The following NPAS3 variants were observed in gnomAD, a reference collection of about 807,000 sequenced individuals.
The protein encoded by NPAS3 is neuronal PAS domain-containing protein 3.
A neutral mutation model predicts 73.1 loss-of-function variants in NPAS3; 14 were observed. The observed-to-expected ratio is 0.19, with a 90% CI of 0.13 to 0.30. The LOEUF is 0.30. Ranked by LOEUF, NPAS3 falls within the 10% of genes least tolerant of loss-of-function variation. The probability of loss-of-function intolerance (pLI) is 1.00; values close to 1 mark genes in which losing one functional copy is unlikely to be tolerated. For synonymous variants in NPAS3, 620 were observed against 541.5 expected (o/e 1.14, Z -2.01); for missense variants, 1,096 against 1,250.0 (o/e 0.88, Z 1.86).
At chr14:33,249,925 C>CACAT (rs1243918642) in intron 3 of NPAS3, among the ~76,000 whole-genome samples, 1 of 151,912 alleles carries the variant, frequency 6.6e-6, no homozygotes, top group East Asian at 1.9e-4. Context: ...CACACACACA[C>CACAT]ACACACACAC....
chr14:33,031,850 G>A (rs1595278193), intron 1 of NPAS3, among the ~76,000 whole-genome samples: 1 of 152,214 alleles, frequency 6.6e-6, no homozygotes, highest in East Asian at 1.9e-4. Context: ...GATTGTTCTA[G>A]GTAGGGTAAA....
At chr14:33,660,190 G>A (rs1157349995) in intron 5 of NPAS3, among the ~76,000 whole-genome samples, 1 of 152,146 alleles carries the variant, frequency 6.6e-6, no homozygotes. Context: ...ATGCCAAATG[G>A]ATGAGCTAAG....
At chr14:33,789,583 C>CTTTTTGTTTTTTTTTTT (rs2063286093) in intron 9 of NPAS3, among the ~76,000 whole-genome samples, 1 of 92,400 alleles carries the variant, frequency 1.1e-5, no homozygotes, top group Non-Finnish European at 2.0e-5. Flanking sequence ...TAGAGTACAA[C>CTTTTTGTTTTTTTTTTT]TTTTTTTTTT....
chr14:33,564,433 C>T (rs564172471), intron 5 of NPAS3, among the ~76,000 whole-genome samples: 26 of 152,312 alleles, frequency 1.7e-4, no homozygotes, highest in African/African-American at 6.3e-4. Context: ...GTGATCTACA[C>T]AGCAAACACA....
intron 7 of NPAS3, among the ~76,000 whole-genome samples, chr14:33,761,522 AG>A (rs1400445140): frequency 1.3e-5 from 2 of 151,082 alleles, no homozygotes; most frequent in African/African-American, 4.9e-5. Context: ...AAAAAAAAAA[AG>A]AGTATAGCAC....
At chr14:32,967,434 G>T (rs773997542) in intron 1 of NPAS3, among the ~76,000 whole-genome samples, 33 of 152,038 alleles carry the variant, frequency 2.2e-4, no homozygotes, top group Middle Eastern at 3.2e-3. Context: ...CTTTGTCGGG[G>T]GTTGGTGCCC....
At chr14:32,983,572 AG>A (rs1451917410) in intron 1 of NPAS3, among the ~76,000 whole-genome samples, 1 of 152,154 alleles carries the variant, frequency 6.6e-6, no homozygotes, top group African/African-American at 2.4e-5. Context: ...TCATTCTAAA[AG>A]TTTTTGCCAA....
intron 4 of NPAS3, among the ~76,000 whole-genome samples, chr14:33,391,560 A>G (rs1044862858): frequency 6.6e-6 from 1 of 152,194 alleles, no homozygotes; most frequent in Non-Finnish European, 1.5e-5. Context: ...GCCTATCTCA[A>G]AAACCTCTTT....
intron 3 of NPAS3, among the ~76,000 whole-genome samples, chr14:33,220,614 T>C (rs1400861573): frequency 1.3e-5 from 2 of 152,164 alleles, no homozygotes; most frequent in African/African-American, 4.8e-5. Context: ...CAGGAAGGGC[T>C]TTCTGACAAT....
At chr14:33,366,243 G>A (rs2045835542) in intron 3 of NPAS3, among the ~76,000 whole-genome samples, 1 of 151,592 alleles carries the variant, frequency 6.6e-6, no homozygotes, top group African/African-American at 2.4e-5. Flanking sequence ...ATAGTTCATT[G>A]CTCAATTATA....
intron 3 of NPAS3, among the ~76,000 whole-genome samples, chr14:33,250,485 C>T (rs1193909209): frequency 2.0e-5 from 3 of 152,120 alleles, no homozygotes; most frequent in Admixed American, 6.5e-5. Context: ...TTTTTCCAAG[C>T]GAACAAATAA....
At chr14:33,182,044 AG>A (rs1458334795) in intron 2 of NPAS3, among the ~76,000 whole-genome samples, 1 of 152,186 alleles carries the variant, frequency 6.6e-6, no homozygotes, top group Non-Finnish European at 1.5e-5. Context: ...ATTTAATGAC[AG>A]GATCTTTCTT....
At chr14:33,740,421 T>C (rs2061627527) in intron 7 of NPAS3, among the ~76,000 whole-genome samples, 1 of 152,252 alleles carries the variant, frequency 6.6e-6, no homozygotes, top group East Asian at 1.9e-4. Flanking sequence ...TAGCACAGTA[T>C]GCTGCACATA....
At chr14:33,272,204 T>C (rs891560006) in intron 3 of NPAS3, among the ~76,000 whole-genome samples, 8 of 152,198 alleles carry the variant, frequency 5.3e-5, no homozygotes, top group African/African-American at 1.9e-4. Flanking sequence ...TTTAATATAA[T>C]ATTCAGCAGT....
At chr14:33,179,800 C>A (rs1221298285) in intron 2 of NPAS3, among the ~76,000 whole-genome samples, 1 of 152,086 alleles carries the variant, frequency 6.6e-6, no homozygotes, top group Non-Finnish European at 1.5e-5. Flanking sequence ...AAAGGAAATC[C>A]AAGAAGGGCA....
intron 3 of NPAS3, among the ~76,000 whole-genome samples, chr14:33,336,363 C>T (rs1160490951): frequency 1.3e-5 from 2 of 152,166 alleles, no homozygotes; most frequent in African/African-American, 4.8e-5. Context: ...TGGTTGTTGA[C>T]AGAAATCAAT....
intron 1 of NPAS3, among the ~76,000 whole-genome samples, chr14:32,946,064 A>T (rs567838472): frequency 2.0e-4 from 31 of 152,274 alleles, no homozygotes; most frequent in African/African-American, 7.2e-4. Flanking sequence ...ACTGTCTCAT[A>T]AGGCTTTCTG....
chr14:33,509,179 G>A (rs1284708433), intron 4 of NPAS3, among the ~76,000 whole-genome samples: 1 of 151,920 alleles, frequency 6.6e-6, no homozygotes, highest in African/African-American at 2.4e-5. Context: ...ATCATATATT[G>A]CTTTGTGTTA....
At chr14:33,754,552 G>A (rs1014254929) in intron 7 of NPAS3, among the ~76,000 whole-genome samples, 1 of 152,154 alleles carries the variant, frequency 6.6e-6, no homozygotes, top group African/African-American at 2.4e-5. Context: ...GGAGACCATG[G>A]CTTCAATGGA....
Sources: allele counts gnomAD v4.1 joint callset (sites outside exome capture counted in the v4.1 genomes callset), GRCh38; gene constraint gnomAD v4.1.1; transcripts MANE v1.5; gene names NCBI Gene and HGNC (gene_info 2026-07-23, HGNC 2026-07-21).